Variants in CLEC9A observed in about 807,000 individuals in gnomAD.
CLEC9A encodes C-type lectin domain family 9 member A.
CLEC9A carries 24 observed loss-of-function variants against 30.0 expected under a neutral mutation model. The ratio of observed to expected loss-of-function variants is 0.80; its 90% CI spans 0.58 to 1.13. The LOEUF (loss-of-function observed/expected upper bound fraction) is 1.13, where lower values mean the gene tolerates loss of function less well. Ranked by LOEUF, CLEC9A falls within the 50% of genes most tolerant of loss-of-function variation. The pLI, the probability that CLEC9A is intolerant of heterozygous loss-of-function variation, is 0.00. For synonymous variants in CLEC9A, 111 were observed against 96.8 expected, an observed-to-expected ratio of 1.15 and a Z score of -0.86; for missense variants, 251 against 280.9, an observed-to-expected ratio of 0.89 and a Z score of 0.76.
At chr12:10,044,990 G>T (rs1865833504) in intron 2 of CLEC9A, among the ~76,000 whole-genome samples, 1 of 152,178 alleles carries the variant, frequency 6.6e-6, no homozygotes, top group Non-Finnish European at 1.5e-5. Flanking sequence ...ACAGCATGCT[G>T]TCTTAGATCA....
At chr12:10,063,023 A>G in intron 6 of CLEC9A, 32 bp from the exon 7 acceptor site, 1 of 1,556,406 alleles carries the variant, frequency 6.4e-7, no homozygotes, top group Non-Finnish European at 8.6e-7. Context: ...ATTTTACAAT[A>G]AGATACTAAA....
intron 5 of CLEC9A, among the ~76,000 whole-genome samples, chr12:10,057,342 A>T (rs765694175): frequency 2.0e-5 from 3 of 151,866 alleles, no homozygotes; most frequent in Admixed American, 6.5e-5. Flanking sequence ...AATTATATAC[A>T]TATATATTTT....
chr12:10,061,393 A>AC, intron 6 of CLEC9A, 120 bp downstream of exon 6: 2 of 1,071,300 alleles, frequency 1.9e-6, no homozygotes, highest in Non-Finnish European at 2.6e-6. Flanking sequence ...AATAAGAGTG[A>AC]CATAATTTTG....
intron 2 of CLEC9A, among the ~76,000 whole-genome samples, chr12:10,048,232 T>C (rs1865864421): frequency 7.6e-6 from 1 of 132,146 alleles, no homozygotes; most frequent in Admixed American, 7.7e-5. Context: ...AGAGCGAGAC[T>C]CCGTCTCAAA....
At chr12:10,056,953 G>A (rs576846756) in intron 5 of CLEC9A, among the ~76,000 whole-genome samples, 11 of 152,104 alleles carry the variant, frequency 7.2e-5, no homozygotes, top group African/African-American at 1.4e-4. Flanking sequence ...CTGTACAGGC[G>A]TAAAGTATAT....
At chr12:10,034,915 C>T (rs928005046) in intron 1 of CLEC9A, among the ~76,000 whole-genome samples, 1 of 152,218 alleles carries the variant, frequency 6.6e-6, no homozygotes, top group African/African-American at 2.4e-5. Context: ...AGGCTTTCTG[C>T]ATCCCAGGGT....
intron 6 of CLEC9A, among the ~76,000 whole-genome samples, chr12:10,062,680 T>C (rs1591895497): frequency 6.6e-6 from 1 of 152,270 alleles, no homozygotes; most frequent in African/African-American, 2.4e-5. Context: ...CATTTCTGGC[T>C]AAATTGGGGC....
chr12:10,057,873 A>T (rs1865956863), intron 5 of CLEC9A, among the ~76,000 whole-genome samples: 1 of 152,138 alleles, frequency 6.6e-6, no homozygotes. Context: ...ATAGTTCAAA[A>T]TATTTTCTAA....
Position 10,061,283 on chromosome 12 carries a change from A to G in CLEC9A, c.319+10A>G. 1 of 1,604,262 alleles carries G rather than the reference A, an allele frequency of 6.2e-7. No individual in the cohort carries two copies. Among genetic ancestry groups the G allele is most frequent in the Non-Finnish European group, 8.5e-7 (1 of 1,176,866 alleles). ...AACTCATTAAGTTCAGGTAATGGAT[A>G]AAAATCAGTTTCCACTGTATACATC... On this transcript the variant is annotated intron_variant, in intron 6 of 8. Coordinates refer to ENST00000355819, the MANE Select transcript of CLEC9A (RefSeq NM_207345.4).
intron 2 of CLEC9A, among the ~76,000 whole-genome samples, chr12:10,046,317 A>C (rs543013457): frequency 6.6e-6 from 1 of 152,340 alleles, no homozygotes; most frequent in African/African-American, 2.4e-5. Flanking sequence ...AAACAGAGAG[A>C]CATTACACAA....
At chr12:10,042,650 T>C (rs1160374379) in intron 2 of CLEC9A, among the ~76,000 whole-genome samples, 2 of 152,202 alleles carry the variant, frequency 1.3e-5, no homozygotes, top group Non-Finnish European at 2.9e-5. Context: ...CTATACAGTA[T>C]AGTAGGTAGT....
chr12:10,037,930 G>T (rs1011608394), intron 1 of CLEC9A, among the ~76,000 whole-genome samples: 2 of 152,076 alleles, frequency 1.3e-5, no homozygotes, highest in East Asian at 3.8e-4. Flanking sequence ...GTTGAGTGGG[G>T]AAGATGTCTT....
chr12:10,059,329 G>T (rs1042739918), intron 5 of CLEC9A, among the ~76,000 whole-genome samples: 1 of 152,070 alleles, frequency 6.6e-6, no homozygotes, highest in African/African-American at 2.4e-5. Context: ...TCAACAAATG[G>T]TGCTGGAGAA....
chr12:10,060,853 A>G, intron 5 of CLEC9A: 1 of 307,720 alleles, frequency 3.2e-6, no homozygotes, highest in East Asian at 8.7e-5. Flanking sequence ...GTAATATTCA[A>G]AAGCTCCCAA....
Position 10,063,159 on chromosome 12 carries a change from T to G in CLEC9A, c.424T>G (p.Leu142Val). 6.2e-7 allele frequency: 1 copy of G among 1,611,718 alleles called. No homozygotes were observed. Among genetic ancestry groups the G allele is most frequent in the Non-Finnish European group, 8.5e-7 (1 of 1,179,172 alleles). ...TTGGCACACCAGTCAAGAGAATTGT[T>G]TAAAGGAAGGTTCCACGCTGCTACA... ...SIWHTSQENCLKEGSTLLQIE... is the reference protein window; with the variant it reads ...SIWHTSQENCVKEGSTLLQIE... Residue 142 changes from leucine to valine, a missense_variant, in exon 7 of 9, where the codon TTA becomes GTA. Leu to Val is a conservative substitution (Grantham distance 32). Transcript: ENST00000355819.
At chr12:10,039,958 C>T (rs11053564) in intron 1 of CLEC9A, among the ~76,000 whole-genome samples, 4,555 of 151,930 alleles carry the variant, frequency 0.03, 192 homozygotes, top group East Asian at 0.19. Flanking sequence ...GAGTAGCTGG[C>T]ATTACAGGTG....
At chr12:10,049,781 A>G (rs1865877626) in intron 2 of CLEC9A, among the ~76,000 whole-genome samples, 1 of 152,226 alleles carries the variant, frequency 6.6e-6, no homozygotes, top group Non-Finnish European at 1.5e-5. Context: ...CTTTCTCCAT[A>G]TTAGCAATAA....
chr12:10,063,007 G>T (rs762475791), intron 6 of CLEC9A, 48 bp from the exon 7 acceptor site: 2 of 1,521,458 alleles, frequency 1.3e-6, no homozygotes, highest in Admixed American at 2.1e-5. Context: ...GATATATGTT[G>T]TTAATATTTT....
intron 1 of CLEC9A, among the ~76,000 whole-genome samples, chr12:10,037,660 T>G (rs1232950653): frequency 6.6e-6 from 1 of 152,120 alleles, no homozygotes. Flanking sequence ...CCGTGCAAAC[T>G]CCACACAGTG....
Sources: gnomAD v4.1 joint callset for allele counts (sites outside exome capture counted in the v4.1 genomes callset) on GRCh38, gnomAD v4.1.1 for gene constraint, MANE v1.5 for transcripts, NCBI Gene and HGNC (gene_info 2026-07-23, HGNC 2026-07-21) for gene names.